The following C12orf42 variants were observed in gnomAD, a reference collection of about 807,000 sequenced individuals.
C12orf42 encodes chromosome 12 open reading frame 42, also known as uncharacterized protein C12orf42.
Under a neutral mutation model 21.6 loss-of-function variants are expected in C12orf42, and 25 were observed. That is an observed-to-expected ratio of 1.16 (90% CI 0.84 to 1.62). C12orf42 has a LOEUF of 1.62. C12orf42 is among the 40% of genes most tolerant of loss of function. The probability of loss-of-function intolerance (pLI) is 0.00; values close to 1 mark genes in which losing one functional copy is unlikely to be tolerated. For missense variants in C12orf42, 483 were observed against 459.3 expected (o/e 1.05, Z -0.47); for synonymous variants, 174 against 175.0 (o/e 0.99, Z 0.05).
downstream of C12orf42, chr12:103,267,508 G>T (rs1325072571): frequency 6.6e-6 from 1 of 151,986 alleles, no homozygotes. Flanking sequence ...GTCAATTTGT[G>T]TAAATTATAA....
intron 2 of C12orf42, among the ~76,000 whole-genome samples, chr12:103,453,868 T>C (rs978939574): frequency 6.6e-6 from 1 of 152,134 alleles, no homozygotes. Context: ...TCTTCTGTCT[T>C]GTTCACCACC....
intron 4 of C12orf42, among the ~76,000 whole-genome samples, chr12:103,324,460 T>C (rs574850644): frequency 6.6e-6 from 1 of 152,278 alleles, no homozygotes; most frequent in East Asian, 1.9e-4. Flanking sequence ...AATTGGAAAG[T>C]ATAGTTTTGT....
chr12:103,139,747 T>C, the C12orf42 span, among the ~76,000 whole-genome samples: 1 of 152,120 alleles, frequency 6.6e-6, no homozygotes, highest in African/African-American at 2.4e-5. Context: ...GCTTCTTCTG[T>C]AATGGTCATT....
At chr12:103,464,412 T>A (rs1565871317) in intron 2 of C12orf42, among the ~76,000 whole-genome samples, 1 of 51,524 alleles carries the variant, frequency 1.9e-5, no homozygotes, top group African/African-American at 7.6e-5. Flanking sequence ...CACTTTTTAA[T>A]GGGGTTTTTT....
chr12:103,429,712 G>T (rs4764959), intron 2 of C12orf42, among the ~76,000 whole-genome samples: 132,067 of 152,162 alleles, frequency 0.87, 57,473 homozygotes, highest in African/African-American at 0.94. Context: ...CTACCTGACT[G>T]CAAACTATAC....
chr12:103,308,942 C>T (rs1593367618), intron 4 of C12orf42, among the ~76,000 whole-genome samples: 1 of 152,240 alleles, frequency 6.6e-6, no homozygotes, highest in African/African-American at 2.4e-5. Flanking sequence ...CCAAGGAACA[C>T]CAAATATCAC....
chr12:103,497,341 T>G (rs1955588794), upstream of C12orf42, among the ~76,000 whole-genome samples: 1 of 152,226 alleles, frequency 6.6e-6, no homozygotes, highest in Admixed American at 6.5e-5. Flanking sequence ...AGACATGCCC[T>G]TCAATCTACA....
At chr12:103,106,599 A>G in the C12orf42 span, among the ~76,000 whole-genome samples, 2 of 151,852 alleles carry the variant, frequency 1.3e-5, no homozygotes, top group Admixed American at 1.3e-4. Flanking sequence ...CTCTGTGAAT[A>G]CAGAGTTTAA....
chr12:103,221,030 C>T, the C12orf42 span, among the ~76,000 whole-genome samples: 8 of 152,278 alleles, frequency 5.3e-5, no homozygotes, highest in Admixed American at 1.3e-4. Context: ...TTGTTGCTGA[C>T]GATTAGCAGG....
the C12orf42 span, among the ~76,000 whole-genome samples, chr12:103,137,264 T>C: frequency 1.1e-4 from 17 of 151,798 alleles, no homozygotes; most frequent in African/African-American, 3.6e-4. Context: ...AACACATATA[T>C]GAAAATATGC....
At chr12:103,151,026 C>T in the C12orf42 span, among the ~76,000 whole-genome samples, 1 of 152,144 alleles carries the variant, frequency 6.6e-6, no homozygotes, top group Non-Finnish European at 1.5e-5. Flanking sequence ...CTCCCAGGTT[C>T]AAGCGATTCT....
chr12:103,080,321 CTTGT>C, the C12orf42 span, among the ~76,000 whole-genome samples: 11 of 152,292 alleles, frequency 7.2e-5, no homozygotes, highest in African/African-American at 2.6e-4. Context: ...TCCCTTCATG[CTTGT>C]ATGTTTTCAT....
the C12orf42 span, among the ~76,000 whole-genome samples, chr12:103,205,802 T>C: frequency 6.6e-6 from 1 of 152,192 alleles, no homozygotes; most frequent in Admixed American, 6.5e-5. Flanking sequence ...TGAATGTGTA[T>C]TACAACCACA....
chr12:103,169,316 T>C, the C12orf42 span, among the ~76,000 whole-genome samples: 1 of 152,024 alleles, frequency 6.6e-6, no homozygotes, highest in Non-Finnish European at 1.5e-5. Context: ...AGCTCATCTA[T>C]AAAACCAACC....
intron 10 of C12orf42, among the ~76,000 whole-genome samples, chr12:103,262,714 A>G (rs1035274496): frequency 6.6e-6 from 1 of 152,194 alleles, no homozygotes. Context: ...GGGAGTGTAA[A>G]TTAGTTCAAC....
At chr12:103,451,280 G>A (rs560165561) in intron 2 of C12orf42, among the ~76,000 whole-genome samples, 268 of 151,910 alleles carry the variant, frequency 1.8e-3, no homozygotes, top group Non-Finnish European at 2.8e-3. Flanking sequence ...AGGCTGGAGC[G>A]CAGAAGCACA....
At chr12:103,208,601 A>G in the C12orf42 span, among the ~76,000 whole-genome samples, 6 of 152,190 alleles carry the variant, frequency 3.9e-5, no homozygotes, top group Admixed American at 3.3e-4. Flanking sequence ...ATTTTTTGGC[A>G]TTATCTTAGA....
intron 4 of C12orf42, among the ~76,000 whole-genome samples, chr12:103,363,381 C>T (rs1396909538): frequency 1.3e-5 from 2 of 152,052 alleles, no homozygotes; most frequent in Non-Finnish European, 2.9e-5. Flanking sequence ...AACATCAAAA[C>T]AGGACCTCTT....
the C12orf42 span, among the ~76,000 whole-genome samples, chr12:103,231,205 T>C: frequency 6.6e-6 from 1 of 152,232 alleles, no homozygotes; most frequent in Non-Finnish European, 1.5e-5. Flanking sequence ...TGTAGAGATT[T>C]CCCATATATC....
Sources: allele counts gnomAD v4.1 joint callset (sites outside exome capture counted in the v4.1 genomes callset), GRCh38; gene constraint gnomAD v4.1.1; transcripts MANE v1.5; gene names NCBI Gene and HGNC (gene_info 2026-07-23, HGNC 2026-07-21).